Variants in DOK6 observed in about 807,000 individuals in gnomAD.
DOK6 encodes docking protein 6.
In DOK6, 22 loss-of-function variants were observed where a neutral mutation model predicts 44.0. That is an observed-to-expected ratio of 0.50 (90% CI 0.36 to 0.71). DOK6 has a LOEUF of 0.71. DOK6 is among the 30% of genes least tolerant of loss of function. DOK6 has a pLI of 0.00. For synonymous variants in DOK6, 166 were observed against 145.5 expected, an observed-to-expected ratio of 1.14 and a Z score of -1.01; for missense variants, 340 against 416.4, an observed-to-expected ratio of 0.82 and a Z score of 1.60.
At chr18:69,580,843 C>G (rs1239299519) in intron 2 of DOK6, among the ~76,000 whole-genome samples, 1 of 152,148 alleles carries the variant, frequency 6.6e-6, no homozygotes, top group African/African-American at 2.4e-5. Flanking sequence ...TCCCCTCAAC[C>G]CTTCCCAGCC....
intron 2 of DOK6, among the ~76,000 whole-genome samples, chr18:69,590,834 A>T (rs1983605212): frequency 6.6e-6 from 1 of 152,164 alleles, no homozygotes. Context: ...AATAGGTAGG[A>T]GAATGTTCAA....
chr18:69,401,976 G>A (rs192883867), intron 1 of DOK6, among the ~76,000 whole-genome samples: 4 of 152,322 alleles, frequency 2.6e-5, no homozygotes, highest in Admixed American at 6.5e-5. Flanking sequence ...GAGATGCGCT[G>A]CCTGGCTTGG....
At chr18:69,782,150 T>TC (rs1980289334) in intron 7 of DOK6, among the ~76,000 whole-genome samples, 3 of 152,126 alleles carry the variant, frequency 2.0e-5, no homozygotes, top group Admixed American at 2.0e-4. Flanking sequence ...TCCTTTTTTT[T>TC]CTGTCAGTGA....
intron 1 of DOK6, among the ~76,000 whole-genome samples, chr18:69,558,636 A>C (rs1395585010): frequency 2.0e-5 from 3 of 152,168 alleles, no homozygotes; most frequent in Non-Finnish European, 4.4e-5. Context: ...TAACTTAATT[A>C]AGACAAACAG....
chr18:69,821,089 G>A (rs540561666), intron 7 of DOK6, among the ~76,000 whole-genome samples: 2 of 152,036 alleles, frequency 1.3e-5, no homozygotes, highest in Non-Finnish European at 2.9e-5. Context: ...TCCATTCCTT[G>A]ATTACATTAT....
chr18:69,780,578 C>A (rs754452977), intron 7 of DOK6, among the ~76,000 whole-genome samples: 1 of 152,132 alleles, frequency 6.6e-6, no homozygotes, highest in Non-Finnish European at 1.5e-5. Context: ...GGCAACAGAC[C>A]AAGACTCCGT....
At chr18:69,475,843 ATGAGCCAC>A (rs1324722382) in intron 1 of DOK6, among the ~76,000 whole-genome samples, 3 of 152,238 alleles carry the variant, frequency 2.0e-5, no homozygotes, top group Non-Finnish European at 4.4e-5. Flanking sequence ...ATTAAACAAT[ATGAGCCAC>A]TTATCATAGC....
At chr18:69,663,521 A>G (rs1364775888) in intron 3 of DOK6, 2 of 152,190 alleles carry the variant, frequency 1.3e-5, no homozygotes, top group Non-Finnish European at 2.9e-5. Flanking sequence ...ATGACAGATA[A>G]TAATTAAATG....
rs976059347 is a variant in DOK6, at chr18:69,670,165, T to G, written c.290-7569T>G. ...GGAATAAATACACTTTCAGATTTGTTGGTGTCGTTTGGCCAAATTCAGTTC... is the reference window on the plus strand; with the variant it reads ...GGAATAAATACACTTTCAGATTTGTGGGTGTCGTTTGGCCAAATTCAGTTC... On this transcript the variant is annotated intron_variant, in intron 3 of 7. Coordinates refer to ENST00000382713, the MANE Select transcript of DOK6 (RefSeq NM_152721.6). Among the ~76,000 whole-genome samples, 6 of 152,170 alleles carry G rather than the reference T, an allele frequency of 3.9e-5. No individual in the cohort carries two copies. The East Asian group carries it at 1.2e-3, about 29-fold the overall frequency.
chr18:69,829,254 T>A (rs1981835700), intron 7 of DOK6, among the ~76,000 whole-genome samples: 1 of 148,540 alleles, frequency 6.7e-6, no homozygotes, highest in Non-Finnish European at 1.5e-5. Context: ...GTTCCTTAAT[T>A]AAAAAAAAAA....
intron 1 of DOK6, among the ~76,000 whole-genome samples, chr18:69,470,322 T>C (rs1212825391): frequency 6.6e-6 from 1 of 152,162 alleles, no homozygotes; most frequent in East Asian, 1.9e-4. Context: ...CTCTGGAAGC[T>C]GGGAGCTTCT....
intron 1 of DOK6, among the ~76,000 whole-genome samples, chr18:69,402,499 G>A (rs946925799): frequency 2.6e-5 from 4 of 152,230 alleles, no homozygotes; most frequent in African/African-American, 9.6e-5. Flanking sequence ...AAAGAGGGCA[G>A]ATCACCAAGC....
chr18:69,596,665 T>G (rs1441635254), intron 2 of DOK6, among the ~76,000 whole-genome samples: 1 of 152,106 alleles, frequency 6.6e-6, no homozygotes, highest in Non-Finnish European at 1.5e-5. Context: ...AAAGGCATCG[T>G]GAGACAGACT....
At chr18:69,518,466 G>A (rs1981593788) in intron 1 of DOK6, among the ~76,000 whole-genome samples, 1 of 151,836 alleles carries the variant, frequency 6.6e-6, no homozygotes, top group Admixed American at 6.6e-5. Context: ...AAATACCTTG[G>A]TTACTTACAA....
At chr18:69,436,216 C>T (rs994891428) in intron 1 of DOK6, among the ~76,000 whole-genome samples, 6 of 149,656 alleles carry the variant, frequency 4.0e-5, no homozygotes, top group South Asian at 2.1e-4. Flanking sequence ...ATGTGCAGAA[C>T]GTGCAGGTTT....
intron 1 of DOK6, among the ~76,000 whole-genome samples, chr18:69,442,073 C>T (rs577334675): frequency 6.6e-6 from 1 of 151,990 alleles, no homozygotes; most frequent in African/African-American, 2.4e-5. Flanking sequence ...GTGTACCAAT[C>T]CTGCATAATT....
intron 1 of DOK6, among the ~76,000 whole-genome samples, chr18:69,554,198 G>A (rs1403594785): frequency 2.0e-5 from 3 of 152,158 alleles, no homozygotes; most frequent in East Asian, 1.9e-4. Context: ...GCAAATACTA[G>A]TGTACATGCG....
At chr18:69,551,002 T>C (rs1405164358) in intron 1 of DOK6, among the ~76,000 whole-genome samples, 1 of 122,402 alleles carries the variant, frequency 8.2e-6, no homozygotes, top group African/African-American at 2.9e-5. Flanking sequence ...CAGGCTGGAG[T>C]TTTTTTTTAA....
intron 6 of DOK6, among the ~76,000 whole-genome samples, chr18:69,740,602 G>A (rs901281048): frequency 6.6e-5 from 10 of 152,142 alleles, no homozygotes; most frequent in Non-Finnish European, 1.2e-4. Context: ...AGAGTACCCC[G>A]TTGGTGCTCT....
Sources: gnomAD v4.1 joint callset for allele counts (sites outside exome capture counted in the v4.1 genomes callset) on GRCh38, gnomAD v4.1.1 for gene constraint, MANE v1.5 for transcripts, NCBI Gene and HGNC (gene_info 2026-07-23, HGNC 2026-07-21) for gene names.